The following EGLN3 variants were observed in gnomAD, a reference collection of about 807,000 sequenced individuals.
EGLN3 encodes the protein prolyl hydroxylase EGLN3.
Under a neutral mutation model 26.0 loss-of-function variants are expected in EGLN3, and 15 were observed. The ratio of observed to expected loss-of-function variants is 0.58; its 90% CI spans 0.39 to 0.89. The LOEUF is 0.89. Ranked by LOEUF, EGLN3 falls within the 40% of genes least tolerant of loss-of-function variation. The pLI, the probability that EGLN3 is intolerant of heterozygous loss-of-function variation, is 0.00. For synonymous variants in EGLN3, 147 were observed against 127.2 expected, an observed-to-expected ratio of 1.16 and a Z score of -1.05; for missense variants, 238 against 311.6, an observed-to-expected ratio of 0.76 and a Z score of 1.78.
At chr14:33,925,997 C>G in intron 4 of EGLN3, 75 bp from the exon 5 acceptor site, 1 of 1,455,966 alleles carries the variant, frequency 6.9e-7, no homozygotes. Flanking sequence ...CAAATGTCAC[C>G]AAAAAGCCTC....
At position 33,934,368 on chromosome 14, in the gene EGLN3, G is replaced by A. The variant is rs117172668; in HGVS notation, c.358-3153C>T. Among the ~76,000 whole-genome samples the A allele has an allele frequency of 6.9e-3, 1,037 of 149,934 alleles. 3 individuals carry two copies. The highest frequency in any genetic ancestry group is 0.031 in the Middle Eastern group (9 of 288). Reference sequence around the variant, plus strand: ...AAGATATACACAGATATATAGAACCGTAACAGTCAAAACCCAGTATAAAAA... The same window carrying A: ...AAGATATACACAGATATATAGAACCATAACAGTCAAAACCCAGTATAAAAA... On this transcript the variant is annotated intron_variant, in intron 1 of 4. Coordinates refer to ENST00000250457, the MANE Select transcript of EGLN3 (RefSeq NM_022073.4).
At chr14:33,930,968 G>A in intron 2 of EGLN3, 128 bp downstream of exon 2, 1 of 1,363,662 alleles carries the variant, frequency 7.3e-7, no homozygotes, top group Non-Finnish European at 1.0e-6. Context: ...TTATGAAATG[G>A]AAATAGAAAT....
chr14:33,928,282 T>C (rs1039071514), intron 3 of EGLN3, among the ~76,000 whole-genome samples: 8 of 152,188 alleles, frequency 5.3e-5, no homozygotes, highest in African/African-American at 1.7e-4. Context: ...GTGATCTTAA[T>C]TTAATTAGGC....
Position 33,950,816 on chromosome 14 carries a change from A to AGC in EGLN3, c.-66_-65dup. Reference sequence around the variant, plus strand: ...AACCAGAGAGGGAACGATCTACACGAGCGCGAAGCCGAGGCGCGGGGAGCG... The same window carrying AGC: ...AACCAGAGAGGGAACGATCTACACGAGCGCGCGAAGCCGAGGCGCGGGGAGCG... On this transcript the variant is annotated 5_prime_UTR_variant, in exon 1 of 5. Coordinates refer to ENST00000250457, the MANE Select transcript of EGLN3 (RefSeq NM_022073.4). 1 of 1,443,772 alleles carries AGC rather than the reference A, an allele frequency of 6.9e-7. No individual in the cohort carries two copies. Among genetic ancestry groups the AGC allele is most frequent in the Non-Finnish European group, 9.4e-7 (1 of 1,059,732 alleles). 89.4% of individuals were successfully genotyped at this position (1,443,772 alleles called of 1,614,324 possible). A position where few individuals can be genotyped will look rare whatever the true frequency, so the allele number is the denominator to read the frequency against.
intron 1 of EGLN3, among the ~76,000 whole-genome samples, chr14:33,943,455 TAAC>T (rs2064497166): frequency 6.6e-6 from 1 of 152,218 alleles, no homozygotes; most frequent in African/African-American, 2.4e-5. Flanking sequence ...CAATATCACT[TAAC>T]AACTACAAAG....
chr14:33,929,408 A>G (rs2064385883), intron 2 of EGLN3, among the ~76,000 whole-genome samples, 196 bp from the exon 3 acceptor site: 1 of 152,188 alleles, frequency 6.6e-6, no homozygotes. Context: ...GCTGGAGTGC[A>G]ATGGCACGAT....
At chr14:33,939,401 T>C (rs1275095301) in intron 1 of EGLN3, among the ~76,000 whole-genome samples, 1 of 152,048 alleles carries the variant, frequency 6.6e-6, no homozygotes, top group South Asian at 2.1e-4. Context: ...TAGTAGAGAC[T>C]GGGTTTCACT....
At chr14:33,949,768 G>C (rs2064543563) in intron 1 of EGLN3, 1 of 154,398 alleles carries the variant, frequency 6.5e-6, no homozygotes, top group Non-Finnish European at 1.4e-5. Context: ...TTAGGAAAAG[G>C]AAGGTGGTGG....
chr14:33,943,740 G>A (rs2064499032), intron 1 of EGLN3, among the ~76,000 whole-genome samples: 2 of 152,210 alleles, frequency 1.3e-5, no homozygotes, highest in South Asian at 4.1e-4. Context: ...AGGTTGGGTA[G>A]AACGCCACCC....
At chr14:33,930,673 AAT>A (rs370670924) in intron 2 of EGLN3, among the ~76,000 whole-genome samples, 34 of 152,280 alleles carry the variant, frequency 2.2e-4, no homozygotes, top group African/African-American at 7.7e-4. Flanking sequence ...CTGTGTGGGA[AAT>A]CTCTCTTGGG....
intron 1 of EGLN3, among the ~76,000 whole-genome samples, chr14:33,942,779 T>C (rs562196548): frequency 1.8e-4 from 27 of 152,356 alleles, no homozygotes; most frequent in African/African-American, 6.3e-4. Flanking sequence ...TGGCCTCATT[T>C]TGTAAAGAAA....
intron 1 of EGLN3, among the ~76,000 whole-genome samples, chr14:33,938,938 C>T (rs1399611883): frequency 1.3e-5 from 2 of 152,114 alleles, no homozygotes; most frequent in Non-Finnish European, 2.9e-5. Flanking sequence ...ATTCGACTTC[C>T]TTTGATATGA....
At chr14:33,944,734 C>A (rs1397186425) in intron 1 of EGLN3, among the ~76,000 whole-genome samples, 2 of 152,236 alleles carry the variant, frequency 1.3e-5, no homozygotes, top group African/African-American at 4.8e-5. Context: ...ACACTACACT[C>A]AACTCTCAGC....
intron 3 of EGLN3, 100 bp from the exon 4 acceptor site, chr14:33,927,133 A>G: frequency 1.8e-6 from 1 of 555,854 alleles, no homozygotes; most frequent in East Asian, 4.0e-5. Flanking sequence ...AGTTTTCTCT[A>G]TTATTAGAAG....
chr14:33,936,398 A>G (rs1332066294), intron 1 of EGLN3, among the ~76,000 whole-genome samples: 1 of 152,174 alleles, frequency 6.6e-6, no homozygotes, highest in Admixed American at 6.5e-5. Context: ...AGCCTAGGTG[A>G]CAAACTTGCC....
intron 3 of EGLN3, 49 bp downstream of exon 3, chr14:33,929,027 G>C: frequency 1.9e-6 from 3 of 1,602,514 alleles, no homozygotes; most frequent in Non-Finnish European, 2.6e-6. Context: ...TCTGGAACTA[G>C]GGTTTGTACA....
chr14:33,941,840 G>A (rs1245362690), intron 1 of EGLN3, among the ~76,000 whole-genome samples: 1 of 152,164 alleles, frequency 6.6e-6, no homozygotes, highest in African/African-American at 2.4e-5. Flanking sequence ...GGCACTAGAA[G>A]GCGGTAGAGA....
At chr14:33,933,361 A>G (rs759643497) in intron 1 of EGLN3, among the ~76,000 whole-genome samples, 16 of 151,598 alleles carry the variant, frequency 1.1e-4, no homozygotes, top group Non-Finnish European at 1.8e-4. Context: ...TAAATCCTCT[A>G]CCAAATGCCG....
chr14:33,934,466 T>TAAA (rs369949234), intron 1 of EGLN3, among the ~76,000 whole-genome samples: 72,477 of 138,166 alleles, frequency 0.52, 19,533 homozygotes, highest in East Asian at 0.7. Context: ...GCTGACTTCA[T>TAAA]AAAAAAAAAA....
Sources: allele counts gnomAD v4.1 joint callset (sites outside exome capture counted in the v4.1 genomes callset), GRCh38; gene constraint gnomAD v4.1.1; transcripts MANE v1.5; gene names NCBI Gene and HGNC (gene_info 2026-07-23, HGNC 2026-07-21).